The following FAF2 variants were observed in gnomAD, a reference collection of about 807,000 sequenced individuals.
FAF2 encodes FAS-associated factor 2.
A neutral mutation model predicts 62.3 loss-of-function variants in FAF2; 9 were observed. The observed-to-expected ratio is 0.14, with a 90% confidence interval of 0.09 to 0.25. FAF2 has a LOEUF of 0.25. Among genes scored for constraint, FAF2 ranks in the 10% least tolerant of loss-of-function variants. The pLI is 1.00. For missense variants in FAF2, 368 were observed against 556.2 expected, an observed-to-expected ratio of 0.66 and a Z score of 3.40; for synonymous variants, 202 against 198.0, an observed-to-expected ratio of 1.02 and a Z score of -0.17.
chr5:176,455,056 CTCTG>C (rs1758259297), intron 1 of FAF2, among the ~76,000 whole-genome samples: 1 of 151,966 alleles, frequency 6.6e-6, no homozygotes, highest in Non-Finnish European at 1.5e-5. Context: ...TTTAAACAGG[CTCTG>C]TCTGGGGAAA....
intron 1 of FAF2, among the ~76,000 whole-genome samples, chr5:176,449,790 C>G (rs957233070): frequency 6.6e-6 from 1 of 152,180 alleles, no homozygotes. Flanking sequence ...TAGTGCGCAG[C>G]GCTGCTAGGT....
intron 1 of FAF2, among the ~76,000 whole-genome samples, chr5:176,451,892 ATTTTTTTTTTTTTTT>A (rs1174600881): frequency 1.4e-4 from 3 of 21,670 alleles, no homozygotes; most frequent in African/African-American, 4.2e-4. Context: ...ATATATATAT[ATTTTTTTTTTTTTTT>A]TTTTTTTTTT....
chr5:176,504,256 A>G (rs545134645), intron 10 of FAF2, among the ~76,000 whole-genome samples: 1 of 152,110 alleles, frequency 6.6e-6, no homozygotes, highest in East Asian at 1.9e-4. Flanking sequence ...CGGGTGGGTC[A>G]CCTGAGGTCA....
intron 10 of FAF2, among the ~76,000 whole-genome samples, chr5:176,506,278 A>G (rs1167624887): frequency 6.6e-6 from 1 of 152,080 alleles, no homozygotes; most frequent in Non-Finnish European, 1.5e-5. Flanking sequence ...GGGCCTGAAT[A>G]ATAATATGTT....
In FAF2 at chr5:176,508,411, T is replaced by C. The variant is rs965025373; in HGVS notation, c.*1461T>C. The C allele has an allele frequency of 6.6e-6, 1 of 152,190 alleles. No individual in the cohort carries two copies. Among genetic ancestry groups the C allele is most frequent in the African/African-American group, 2.4e-5 (1 of 41,440 alleles). 9.4% of individuals were successfully genotyped at this position (152,190 alleles called of 1,614,324 possible). On this transcript the variant is annotated 3_prime_UTR_variant, in exon 11 of 11. Transcript: ENST00000261942. ...TGAGGGCGGGGGGTTCAGATCAACA[T>C]AAAGCCTAACTTGCTGGAGTTGTAG...
intron 8 of FAF2, 195 bp downstream of exon 8, chr5:176,496,858 G>A: frequency 2.6e-6 from 1 of 380,848 alleles, no homozygotes; most frequent in Non-Finnish European, 4.6e-6. Flanking sequence ...TCTTAGAGAT[G>A]TTCAAAATAA....
chr5:176,468,831 C>T (rs1476024375), intron 1 of FAF2, among the ~76,000 whole-genome samples: 1 of 151,748 alleles, frequency 6.6e-6, no homozygotes, highest in African/African-American at 2.4e-5. Context: ...GTAGTCCTAG[C>T]TACTTGGGAG....
intron 1 of FAF2, among the ~76,000 whole-genome samples, chr5:176,477,607 C>A (rs1758726290): frequency 6.6e-6 from 1 of 152,172 alleles, no homozygotes; most frequent in Non-Finnish European, 1.5e-5. Context: ...TCTATTTCAG[C>A]ATTTTAAACA....
intron 9 of FAF2, 118 bp from the exon 10 acceptor site, chr5:176,499,885 G>A: frequency 4.1e-6 from 5 of 1,204,934 alleles, no homozygotes; most frequent in Non-Finnish European, 5.8e-6. Flanking sequence ...ATTCCTGAGA[G>A]GTTTTTCTTA....
intron 4 of FAF2, among the ~76,000 whole-genome samples, chr5:176,491,528 G>A (rs892828644): frequency 1.3e-5 from 2 of 152,104 alleles, no homozygotes; most frequent in Admixed American, 6.5e-5. Context: ...GTTCCTATCC[G>A]TAAGTTGAAT....
At chr5:176,470,753 C>T (rs1184594244) in intron 1 of FAF2, among the ~76,000 whole-genome samples, 1 of 152,178 alleles carries the variant, frequency 6.6e-6, no homozygotes, top group Non-Finnish European at 1.5e-5. Flanking sequence ...CTTACTTTGG[C>T]TTTTTTAAGA....
chr5:176,465,730 C>T (rs370232626), intron 1 of FAF2, among the ~76,000 whole-genome samples: 1 of 152,154 alleles, frequency 6.6e-6, no homozygotes, highest in African/African-American at 2.4e-5. Context: ...CACAGTGGCT[C>T]ATGCCTGTAA....
At chr5:176,462,529 C>A (rs538989695) in intron 1 of FAF2, among the ~76,000 whole-genome samples, 5 of 151,956 alleles carry the variant, frequency 3.3e-5, no homozygotes, top group Non-Finnish European at 5.9e-5. Flanking sequence ...GAGGCTGAGG[C>A]AGGAGAATCA....
chr5:176,492,224 T>C lies in FAF2; in HGVS notation c.375T>C (p.Pro125=), dbSNP rs1340503286. 1 of 1,614,148 alleles carries C rather than the reference T, an allele frequency of 6.2e-7. No individual in the cohort carries two copies. The highest frequency in any genetic ancestry group is 2.2e-5 in the East Asian group (1 of 44,884). Residue 125 remains proline (P), a synonymous_variant, in exon 5 of 11, where the codon CCT becomes CCC. Transcript: ENST00000261942. ...CTCTTCGTTTTATACGGCCTGACCC[T>C]CGCAGCCGGGTCACTGACCCCGTTG... The part of the protein sequence containing the change: ...RFALRFIRPD[P]RSRVTDPVGD...
intron 1 of FAF2, among the ~76,000 whole-genome samples, chr5:176,476,804 ATTTTTTTT>A (rs749952460): frequency 3.2e-5 from 3 of 92,872 alleles, no homozygotes; most frequent in Non-Finnish European, 6.3e-5. Flanking sequence ...TGCTGAACTA[ATTTTTTTT>A]TTTTTTTTTT....
rs987713611 is a variant in FAF2, at chr5:176,509,162, G to C, written c.*2212G>C. 3 of 152,132 alleles carry C rather than the reference G, an allele frequency of 2.0e-5. No homozygotes were observed. The highest frequency in any genetic ancestry group is 4.8e-5 in the African/African-American group (2 of 41,434). The allele number at this position is 152,132 out of a possible 1,614,324, so 9.4% of individuals were successfully genotyped here. ...AGGATTCACCGGAAGCACATGCCCC[G>C]GTCTAGTCCCATTTGAAACAGTTCT... On this transcript the variant is annotated 3_prime_UTR_variant, in exon 11 of 11. Coordinates refer to ENST00000261942, the MANE Select transcript of FAF2 (RefSeq NM_014613.3).
chr5:176,470,344 G>A (rs577680473), intron 1 of FAF2, among the ~76,000 whole-genome samples: 2 of 152,346 alleles, frequency 1.3e-5, no homozygotes, highest in South Asian at 4.1e-4. Context: ...TTGGGAGGCC[G>A]AGGCGGGCGG....
In FAF2 at chr5:176,494,184, C is replaced by T; in HGVS notation, c.570C>T (p.Arg190=). 1 of 1,613,850 alleles carries T rather than the reference C, an allele frequency of 6.2e-7. No homozygotes were observed. The highest frequency in any genetic ancestry group is 8.5e-7 in the Non-Finnish European group (1 of 1,179,738). Residue 190 remains arginine (R), a splice_region_variant and synonymous_variant, in exon 7 of 11, where the codon CGC becomes CGT. Transcript: ENST00000261942. The surrounding 1 kb of genome is among the most constrained non-coding windows in gnomAD (Gnocchi z 4.0). ...ATATCCTTTTCATACCTTTCCACAG[C>T]AACACACTCTGTGCACCTGAAGTTA... ...DDHQDSDEFC[R]NTLCAPEVIS... is the part of the protein sequence containing the mutation.
chr5:176,485,882 C>T (rs1366311118), intron 2 of FAF2, among the ~76,000 whole-genome samples: 1 of 152,088 alleles, frequency 6.6e-6, no homozygotes, highest in African/African-American at 2.4e-5. Context: ...GAGGCTCATA[C>T]ATTGAGCAAC....
Sources: allele counts gnomAD v4.1 joint callset (sites outside exome capture counted in the v4.1 genomes callset), GRCh38; gene constraint gnomAD v4.1.1; non-coding constraint Gnocchi (gnomAD v3.1); transcripts MANE v1.5; gene names NCBI Gene and HGNC (gene_info 2026-07-23, HGNC 2026-07-21).